Variants in XKR9 observed in about 807,000 individuals in gnomAD.
XKR9 encodes XK related 9.
A neutral mutation model predicts 32.0 loss-of-function variants in XKR9; 32 were observed. That is an observed-to-expected ratio of 1.00 (90% CI 0.76 to 1.34). The LOEUF is 1.34. Ranked by LOEUF, XKR9 falls within the 40% of genes most tolerant of loss-of-function variation. The pLI is 0.00. For synonymous variants in XKR9, 168 were observed against 143.4 expected (o/e 1.17, Z -1.22); for missense variants, 546 against 429.7 (o/e 1.27, Z -2.39).
chr8:70,868,053 T>G, the XKR9 span, among the ~76,000 whole-genome samples: 1 of 152,208 alleles, frequency 6.6e-6, no homozygotes, highest in African/African-American at 2.4e-5. Flanking sequence ...GTCACACAGA[T>G]GCAAGAGGCG....
At chr8:70,708,583 G>C (rs961945035) in intron 4 of XKR9, among the ~76,000 whole-genome samples, 2 of 151,954 alleles carry the variant, frequency 1.3e-5, no homozygotes, top group African/African-American at 4.8e-5. Flanking sequence ...GCAAAACACA[G>C]TTTATAGAAT....
the XKR9 span, among the ~76,000 whole-genome samples, chr8:71,041,852 A>G: frequency 6.6e-6 from 1 of 152,290 alleles, no homozygotes; most frequent in African/African-American, 2.4e-5. Flanking sequence ...CCTCCCAGCC[A>G]TGCAGAACTG....
chr8:70,791,284 G>A (rs985480062), downstream of XKR9, among the ~76,000 whole-genome samples: 1 of 150,848 alleles, frequency 6.6e-6, no homozygotes, highest in Non-Finnish European at 1.5e-5. Context: ...AGACCAACCT[G>A]AACAACAGAG....
chr8:70,852,769 G>A, the XKR9 span, among the ~76,000 whole-genome samples: 1 of 152,122 alleles, frequency 6.6e-6, no homozygotes, highest in African/African-American at 2.4e-5. Flanking sequence ...AACATCTCAT[G>A]TTCTCACTCA....
At chr8:70,894,429 G>T in the XKR9 span, among the ~76,000 whole-genome samples, 12 of 152,110 alleles carry the variant, frequency 7.9e-5, no homozygotes, top group Admixed American at 4.6e-4. Flanking sequence ...GTAGGGTGAG[G>T]TGTCTCAACC....
At chr8:70,882,878 A>G in the XKR9 span, among the ~76,000 whole-genome samples, 113 of 149,826 alleles carry the variant, frequency 7.5e-4, no homozygotes, top group East Asian at 0.02. Flanking sequence ...TATCACGCAG[A>G]ATAGTTTTAC....
At chr8:70,682,880 T>C (rs1819132593) in intron 3 of XKR9, among the ~76,000 whole-genome samples, 1 of 152,348 alleles carries the variant, frequency 6.6e-6, no homozygotes, top group African/African-American at 2.4e-5. Flanking sequence ...CTCTAAAACC[T>C]AGCTTAAACA....
chr8:71,051,523 GGTGGGGTGT>G, the XKR9 span, among the ~76,000 whole-genome samples: 1 of 66,436 alleles, frequency 1.5e-5, no homozygotes, highest in East Asian at 2.1e-4. Context: ...CGGTGGTGGT[GGTGGGGTGT>G]GTGTGTGTGT....
At chr8:71,035,758 G>A in the XKR9 span, among the ~76,000 whole-genome samples, 1 of 152,090 alleles carries the variant, frequency 6.6e-6, no homozygotes, top group African/African-American at 2.4e-5. Flanking sequence ...CTTAGTATTT[G>A]AGAAACAGCA....
the XKR9 span, among the ~76,000 whole-genome samples, chr8:70,854,938 T>C: frequency 6.6e-6 from 1 of 152,182 alleles, no homozygotes; most frequent in South Asian, 2.1e-4. Context: ...TGTAGTATAG[T>C]TTGAAGTCAT....
chr8:71,029,542 A>G, the XKR9 span, among the ~76,000 whole-genome samples: 2 of 152,214 alleles, frequency 1.3e-5, no homozygotes, highest in Non-Finnish European at 2.9e-5. Flanking sequence ...CCAGTAGAGC[A>G]AAGGTATTAA....
At chr8:70,706,828 T>C in intron 3 of XKR9, 105 bp from the exon 4 acceptor site, 1 of 956,028 alleles carries the variant, frequency 1.0e-6, no homozygotes, top group Non-Finnish European at 1.5e-6. Flanking sequence ...GTGGAAAAAC[T>C]GTGTACTTAA....
the XKR9 span, among the ~76,000 whole-genome samples, chr8:71,039,791 G>A: frequency 2.0e-5 from 3 of 152,110 alleles, no homozygotes; most frequent in African/African-American, 7.2e-5. Flanking sequence ...CTGGGAGTGG[G>A]GAAGGGGATT....
At chr8:71,026,392 G>A in the XKR9 span, among the ~76,000 whole-genome samples, 16 of 151,808 alleles carry the variant, frequency 1.1e-4, no homozygotes, top group African/African-American at 3.6e-4. Flanking sequence ...CAAAATTATC[G>A]AGCATCTACT....
At chr8:70,836,138 G>C in the XKR9 span, among the ~76,000 whole-genome samples, 2 of 151,884 alleles carry the variant, frequency 1.3e-5, no homozygotes, top group Non-Finnish European at 2.9e-5. Context: ...CTGAATTGTA[G>C]ACATTAGTAT....
the XKR9 span, among the ~76,000 whole-genome samples, chr8:70,975,359 GT>G: frequency 6.6e-6 from 1 of 152,154 alleles, no homozygotes; most frequent in Admixed American, 6.5e-5. Flanking sequence ...TTCTTCTAGG[GT>G]TTTCATGGTT....
chr8:71,006,089 C>G, the XKR9 span, among the ~76,000 whole-genome samples: 1 of 152,202 alleles, frequency 6.6e-6, no homozygotes, highest in Non-Finnish European at 1.5e-5. Flanking sequence ...ATGAGAACTT[C>G]CAGGCCTTTC....
At chr8:70,741,413 T>TA (rs1806979968) in intron 2 of XKR9, among the ~76,000 whole-genome samples, 1 of 152,228 alleles carries the variant, frequency 6.6e-6, no homozygotes, top group South Asian at 2.1e-4. Flanking sequence ...ATTAGTGAAG[T>TA]AAACTTTTCT....
chr8:71,016,145 C>T, the XKR9 span, among the ~76,000 whole-genome samples: 1 of 151,994 alleles, frequency 6.6e-6, no homozygotes, highest in Non-Finnish European at 1.5e-5. Flanking sequence ...AATATAATAG[C>T]AATTTTATTA....
Sources: allele counts gnomAD v4.1 joint callset (sites outside exome capture counted in the v4.1 genomes callset), GRCh38; gene constraint gnomAD v4.1.1; transcripts MANE v1.5; gene names NCBI Gene and HGNC (gene_info 2026-07-23, HGNC 2026-07-21).